RARB: variants seen among roughly 807,000 people sequenced by gnomAD.
The protein encoded by RARB is retinoic acid receptor beta.
In RARB, 17 loss-of-function variants were observed where a neutral mutation model predicts 51.9. That is an observed-to-expected ratio of 0.33 (90% confidence interval 0.22 to 0.49). RARB has a LOEUF of 0.49. Ranked by LOEUF, RARB falls within the 20% of genes least tolerant of loss-of-function variation. RARB has a pLI of 0.99. For synonymous variants in RARB, 215 were observed against 195.4 expected (o/e 1.10, Z -0.84); for missense variants, 369 against 550.8 (o/e 0.67, Z 3.30).
intron 5 of RARB, among the ~76,000 whole-genome samples, chr3:25,364,143 T>C (rs373485137): frequency 3.5e-4 from 54 of 152,222 alleles, no homozygotes; most frequent in Non-Finnish European, 6.8e-4. Context: ...TGTTTTATTT[T>C]GTGATTTATT....
intron 2 of RARB, among the ~76,000 whole-genome samples, chr3:24,901,605 A>G (rs1395768010): frequency 6.6e-6 from 1 of 152,318 alleles, no homozygotes; most frequent in East Asian, 1.9e-4. Flanking sequence ...TCAATTCTTA[A>G]AAACATATAA....
intron 5 of RARB, among the ~76,000 whole-genome samples, chr3:25,283,630 C>T (rs1377743524): frequency 1.3e-5 from 2 of 152,200 alleles, no homozygotes; most frequent in Non-Finnish European, 2.9e-5. Context: ...CTGTTTCTCT[C>T]CCTGACACAC....
chr3:24,898,775 A>G (rs1703534440), intron 2 of RARB, among the ~76,000 whole-genome samples: 1 of 152,098 alleles, frequency 6.6e-6, no homozygotes, highest in South Asian at 2.1e-4. Flanking sequence ...TTTTTGCTCT[A>G]ATGTTTTTAG....
intron 1 of RARB, among the ~76,000 whole-genome samples, chr3:25,451,663 G>A (rs572860466): frequency 5.3e-4 from 81 of 152,298 alleles, no homozygotes; most frequent in African/African-American, 1.8e-3. Context: ...GAGTGGCAAG[G>A]TATGTGACAA....
intron 5 of RARB, among the ~76,000 whole-genome samples, chr3:25,243,943 G>C (rs949755469): frequency 1.3e-5 from 2 of 151,940 alleles, no homozygotes; most frequent in Non-Finnish European, 2.9e-5. Context: ...CTGTTCCTGG[G>C]CTCTTTTTAA....
At chr3:25,267,994 A>G (rs1703164471) in intron 5 of RARB, among the ~76,000 whole-genome samples, 1 of 152,280 alleles carries the variant, frequency 6.6e-6, no homozygotes, top group African/African-American at 2.4e-5. Context: ...TGCTAGGAGG[A>G]GAGTTATATA....
chr3:25,166,316 C>T (rs956715603), intron 4 of RARB, among the ~76,000 whole-genome samples: 14 of 152,144 alleles, frequency 9.2e-5, no homozygotes, highest in Non-Finnish European at 1.9e-4. Context: ...TCTTTTCTAT[C>T]AAGAACAGCA....
intron 2 of RARB, among the ~76,000 whole-genome samples, chr3:25,468,937 C>T (rs187215195): frequency 7.3e-4 from 111 of 152,334 alleles, no homozygotes; most frequent in Middle Eastern, 3.4e-3. Context: ...GGCCCCAGGG[C>T]GAGGCCTGGC....
chr3:25,131,510 T>C (rs1336171022), intron 3 of RARB, among the ~76,000 whole-genome samples: 2 of 152,062 alleles, frequency 1.3e-5, no homozygotes, highest in Non-Finnish European at 2.9e-5. Flanking sequence ...TTATGTTGCA[T>C]GTCTAATTAG....
chr3:25,379,727 C>T (rs1183556239), intron 5 of RARB, among the ~76,000 whole-genome samples: 2 of 152,162 alleles, frequency 1.3e-5, no homozygotes, highest in Non-Finnish European at 2.9e-5. Context: ...TTTTGTAGAT[C>T]TGAGACATTG....
chr3:24,953,807 G>A (rs1021855300), intron 2 of RARB, among the ~76,000 whole-genome samples: 2 of 152,036 alleles, frequency 1.3e-5, no homozygotes, highest in Admixed American at 6.5e-5. Context: ...CATTTATGGT[G>A]TGCCGTGCCC....
At chr3:25,329,406 G>A (rs1161261332) in intron 5 of RARB, among the ~76,000 whole-genome samples, 1 of 152,186 alleles carries the variant, frequency 6.6e-6, no homozygotes, top group Non-Finnish European at 1.5e-5. Flanking sequence ...GGTCTGGAAT[G>A]GACCTCCAGC....
chr3:24,886,076 C>A (rs907564292), intron 2 of RARB, among the ~76,000 whole-genome samples: 1 of 152,162 alleles, frequency 6.6e-6, no homozygotes. Context: ...TTTACAGCTT[C>A]CTTTTTCCAT....
At chr3:25,541,898 C>G (rs956100195) in intron 3 of RARB, among the ~76,000 whole-genome samples, 1 of 152,160 alleles carries the variant, frequency 6.6e-6, no homozygotes, top group East Asian at 1.9e-4. Context: ...CTCTGCTATT[C>G]GTTTCGTGGG....
intron 2 of RARB, among the ~76,000 whole-genome samples, chr3:24,871,149 T>A (rs77266735): frequency 0.018 from 2,719 of 152,252 alleles, 67 homozygotes; most frequent in African/African-American, 0.055. Flanking sequence ...GTCTTCTTTA[T>A]AATTTGTAAG....
chr3:24,875,248 T>C lies in RARB; in HGVS notation c.-380+16496T>C, dbSNP rs144130006. 3.3e-5 allele frequency among the ~76,000 whole-genome samples: 5 copies of C among 152,292 alleles called. No individual in the cohort carries two copies. The East Asian group carries it at 9.6e-4, about 29-fold the overall frequency. ...GAACCAACTGTATTGGTTGCCGAAG[T>C]TGATACTATATCTAGGAAATCTCTG... On this transcript the variant is annotated intron_variant, in intron 2 of 11. Coordinates refer to the RARB transcript ENST00000383772.
intron 4 of RARB, 48 bp downstream of exon 4, chr3:25,569,966 A>C: frequency 4.6e-6 from 7 of 1,511,506 alleles, no homozygotes; most frequent in Non-Finnish European, 6.3e-6. Flanking sequence ...GAAACCTTGT[A>C]CGTGCATGTG....
chr3:25,381,219 T>G (rs1706615248), intron 5 of RARB, among the ~76,000 whole-genome samples: 1 of 152,190 alleles, frequency 6.6e-6, no homozygotes. Context: ...GCCTTGAGGT[T>G]GTTAACATCC....
At chr3:25,549,090 A>C (rs951256391) in intron 3 of RARB, among the ~76,000 whole-genome samples, 4 of 151,736 alleles carry the variant, frequency 2.6e-5, no homozygotes, top group Admixed American at 2.6e-4. Context: ...GCTCCATTTG[A>C]TCTGGTATGC....
Sources: allele counts gnomAD v4.1 joint callset (sites outside exome capture counted in the v4.1 genomes callset), GRCh38; gene constraint gnomAD v4.1.1; transcripts MANE v1.5; gene names NCBI Gene and HGNC (gene_info 2026-07-23, HGNC 2026-07-21).